MARK1: variants seen among roughly 807,000 people sequenced by gnomAD.
MARK1 encodes the protein microtubule affinity regulating kinase 1, also known as serine/threonine-protein kinase MARK1.
In MARK1, 40 loss-of-function variants were observed where a neutral mutation model predicts 96.3. The ratio of observed to expected loss-of-function variants is 0.42; its 90% CI spans 0.32 to 0.54. The LOEUF (loss-of-function observed/expected upper bound fraction) is 0.54. Ranked by LOEUF, MARK1 falls within the 20% of genes least tolerant of loss-of-function variation. The pLI is 0.16. For synonymous variants in MARK1, 317 were observed against 341.2 expected, an observed-to-expected ratio of 0.93 and a Z score of 0.78; for missense variants, 719 against 984.6, an observed-to-expected ratio of 0.73 and a Z score of 3.61.
chr1:220,549,176 C>G (rs1313316295), intron 1 of MARK1, among the ~76,000 whole-genome samples: 1 of 152,190 alleles, frequency 6.6e-6, no homozygotes, highest in Non-Finnish European at 1.5e-5. Context: ...CTTTGAAGCT[C>G]AAGTCCTTGG....
intron 3 of MARK1, among the ~76,000 whole-genome samples, chr1:220,591,888 A>G (rs989499844): frequency 4.0e-5 from 6 of 151,710 alleles, no homozygotes; most frequent in African/African-American, 1.5e-4. Flanking sequence ...ATTGAATGAC[A>G]CTCGGGCAGC....
intron 3 of MARK1, among the ~76,000 whole-genome samples, chr1:220,591,594 C>T (rs1664984123): frequency 6.6e-6 from 1 of 152,056 alleles, no homozygotes; most frequent in Admixed American, 6.6e-5. Context: ...AGTAAAAGCC[C>T]TCTTTCATAG....
intron 1 of MARK1, among the ~76,000 whole-genome samples, chr1:220,544,770 A>C (rs930369031): frequency 6.6e-6 from 1 of 152,194 alleles, no homozygotes; most frequent in East Asian, 1.9e-4. Flanking sequence ...ATTATAGTTA[A>C]CTACCTGTAA....
chr1:220,593,689 T>C (rs897029728), intron 3 of MARK1, among the ~76,000 whole-genome samples: 1 of 152,092 alleles, frequency 6.6e-6, no homozygotes, highest in Non-Finnish European at 1.5e-5. Flanking sequence ...GAGGTGAGTC[T>C]GGGGCGGGTT....
Position 220,631,058 on chromosome 1 carries a change from G to C in MARK1, c.933G>C (p.Met311Ile). The change falls in exon 10 of 18, where the codon ATG (methionine) becomes ATC (isoleucine). Residue 311 changes from methionine to isoleucine, a missense_variant. Physicochemically the swap from Met to Ile is conservative, Grantham distance 10. Coordinates refer to ENST00000366917, the MANE Select transcript of MARK1 (RefSeq NM_018650.5). ...AGCAAATAATGAAAGATCGATGGAT[G>C]AATGTTGGTCATGAAGAGGAAGAAC... is the stretch of plus-strand genomic sequence containing the variant. Reference protein sequence around the residue: ...SLEQIMKDRWMNVGHEEEELK... With the variant: ...SLEQIMKDRWINVGHEEEELK... 3.7e-6 allele frequency: 6 copies of C among 1,612,290 alleles called. No individual in the cohort carries two copies. Among genetic ancestry groups the C allele is most frequent in the Non-Finnish European group, 5.1e-6 (6 of 1,178,654 alleles).
intron 3 of MARK1, among the ~76,000 whole-genome samples, chr1:220,584,891 G>GTTCC (rs1558277183): frequency 1.1e-3 from 173 of 152,276 alleles, no homozygotes; most frequent in African/African-American, 3.9e-3. Flanking sequence ...ATGCTATATA[G>GTTCC]CATATTTCAC....
At position 220,653,205 on chromosome 1, in the gene MARK1, T is replaced by G; in HGVS notation, c.1841T>G (p.Phe614Cys). ...FPRGSSSRST[F>C]HGEQLRERRS... Reference sequence around the variant, plus strand: ...CGAGGGAGCTCAAGCCGAAGCACTTTCCATGGTGAACAGCTCCGGGAGCGA... The same window carrying G: ...CGAGGGAGCTCAAGCCGAAGCACTTGCCATGGTGAACAGCTCCGGGAGCGA... The change falls in exon 16 of 18, where the codon TTC becomes TGC. Residue 614 changes from phenylalanine to cysteine, a missense_variant. Coordinates refer to ENST00000366917, the MANE Select transcript of MARK1 (RefSeq NM_018650.5). The G allele has an allele frequency of 6.2e-7, 1 of 1,614,226 alleles. No homozygotes were observed. The highest frequency in any genetic ancestry group is 8.5e-7 in the Non-Finnish European group (1 of 1,180,034).
intron 13 of MARK1, among the ~76,000 whole-genome samples, chr1:220,646,904 CAAGAT>C (rs925946640): frequency 6.6e-6 from 1 of 152,130 alleles, no homozygotes; most frequent in Non-Finnish European, 1.5e-5. Context: ...AAAATTAACT[CAAGAT>C]GGAGTAAAGA....
chr1:220,657,640 A>G, intron 16 of MARK1, 150 bp from the exon 17 acceptor site: 1 of 478,504 alleles, frequency 2.1e-6, no homozygotes, highest in South Asian at 5.1e-5. Flanking sequence ...GGTGAAAAAT[A>G]TGAGAAATAG....
chr1:220,534,706 C>T (rs1660562438), intron 1 of MARK1, among the ~76,000 whole-genome samples: 1 of 152,068 alleles, frequency 6.6e-6, no homozygotes, highest in Admixed American at 6.6e-5. Flanking sequence ...CCCTGGCAAC[C>T]ACCATTCTTA....
intron 6 of MARK1, among the ~76,000 whole-genome samples, chr1:220,610,517 G>A (rs543058158): frequency 9.9e-5 from 15 of 152,274 alleles, no homozygotes; most frequent in Admixed American, 5.9e-4. Context: ...GTTTGGAGAA[G>A]TTTGTTATTA....
chr1:220,545,676 C>T (rs560477710), intron 1 of MARK1, among the ~76,000 whole-genome samples: 91 of 152,022 alleles, frequency 6.0e-4, no homozygotes, highest in Non-Finnish European at 6.8e-4. Flanking sequence ...TGGGCTCAAG[C>T]GAGCCACCCT....
rs530439686 is a variant in MARK1, at chr1:220,626,261, A to T, written c.910-4774A>T. On this transcript the variant is annotated intron_variant, in intron 9 of 17. Transcript: ENST00000366917. ...CAGAGGGTGCTGTATATTGACATTGATATTCACCACGGCGATGGGATGGAA... is the reference window on the plus strand; with the variant it reads ...CAGAGGGTGCTGTATATTGACATTGTTATTCACCACGGCGATGGGATGGAA... 19 of 530,482 alleles carry T rather than the reference A, an allele frequency of 3.6e-5. No homozygotes were observed. The African/African-American group carries it at 3.6e-4, about 10-fold the overall frequency. 32.9% of individuals were successfully genotyped at this position (530,482 alleles called of 1,614,324 possible).
intron 1 of MARK1, among the ~76,000 whole-genome samples, chr1:220,575,443 T>A (rs921032503): frequency 6.6e-6 from 1 of 152,224 alleles, no homozygotes; most frequent in Admixed American, 6.5e-5. Flanking sequence ...GCTGAATTGA[T>A]ATTCTTGCCA....
intron 1 of MARK1, among the ~76,000 whole-genome samples, chr1:220,563,580 A>G (rs1015320564): frequency 1.6e-4 from 25 of 152,222 alleles, no homozygotes; most frequent in African/African-American, 5.8e-4. Context: ...AAGTTAAAAG[A>G]TGGAGAGAAA....
chr1:220,612,469 G>A (rs773930031), intron 6 of MARK1, among the ~76,000 whole-genome samples: 8 of 151,930 alleles, frequency 5.3e-5, no homozygotes, highest in African/African-American at 9.7e-5. Context: ...TAAAACAATG[G>A]CAAATATTTT....
At chr1:220,550,847 G>A (rs757971171) in intron 1 of MARK1, among the ~76,000 whole-genome samples, 3 of 152,116 alleles carry the variant, frequency 2.0e-5, no homozygotes, top group Non-Finnish European at 2.9e-5. Flanking sequence ...TTATCACATT[G>A]GAGTTCAGTC....
intron 9 of MARK1, chr1:220,627,729 C>T (rs1236696909): frequency 6.3e-6 from 1 of 157,740 alleles, no homozygotes; most frequent in Non-Finnish European, 1.4e-5. Flanking sequence ...TTTCATGCAA[C>T]CATAAGACAA....
chr1:220,646,024 C>T (rs987784654), intron 13 of MARK1, among the ~76,000 whole-genome samples: 9 of 152,100 alleles, frequency 5.9e-5, no homozygotes, highest in African/African-American at 2.2e-4. Context: ...TCCCTCACCA[C>T]TCTTATACAA....
Sources: allele counts gnomAD v4.1 joint callset (sites outside exome capture counted in the v4.1 genomes callset), GRCh38; gene constraint gnomAD v4.1.1; transcripts MANE v1.5; gene names NCBI Gene and HGNC (gene_info 2026-07-23, HGNC 2026-07-21).